Variants in ZFYVE1 observed in about 807,000 individuals in gnomAD.
The protein encoded by ZFYVE1 is zinc finger FYVE-type containing 1.
Under a neutral mutation model 74.4 loss-of-function variants are expected in ZFYVE1, and 30 were observed. The observed-to-expected ratio is 0.40, with a 90% CI of 0.30 to 0.55. The LOEUF (loss-of-function observed/expected upper bound fraction) is 0.55, where lower values mean the gene tolerates loss of function less well. ZFYVE1 is among the 20% of genes least tolerant of loss of function. The pLI is 0.42. For missense variants in ZFYVE1, 703 were observed against 1,011.6 expected (o/e 0.69, Z 4.14); for synonymous variants, 335 against 385.1 (o/e 0.87, Z 1.52).
At chr14:72,992,615 G>GCCCCCCCCCC (rs555003383) in intron 4 of ZFYVE1, among the ~76,000 whole-genome samples, 6 of 109,030 alleles carry the variant, frequency 5.5e-5, no homozygotes, top group Admixed American at 9.1e-5. Flanking sequence ...CCATTCAGGT[G>GCCCCCCCCCC]CCCCCCCCGC....
chr14:73,001,705 C>T (rs1323007817), intron 2 of ZFYVE1, among the ~76,000 whole-genome samples: 2 of 142,438 alleles, frequency 1.4e-5, no homozygotes, highest in East Asian at 2.0e-4. Context: ...TTCGGCTGGG[C>T]GCAGTGGCTC....
intron 2 of ZFYVE1, among the ~76,000 whole-genome samples, chr14:73,008,263 G>A (rs1894021390): frequency 6.6e-6 from 1 of 152,198 alleles, no homozygotes; most frequent in Non-Finnish European, 1.5e-5. Context: ...GGGTGCAAGT[G>A]ATTCTCCTGC....
At chr14:73,015,298 A>AGGG (rs1567362954) in intron 2 of ZFYVE1, among the ~76,000 whole-genome samples, 6 of 71,910 alleles carry the variant, frequency 8.3e-5, no homozygotes, top group South Asian at 1.5e-3. Context: ...GGAAGGAAAG[A>AGGG]AGGGAGGGAG....
At chr14:72,983,097 G>A (rs1019699977) in intron 4 of ZFYVE1, among the ~76,000 whole-genome samples, 1 of 151,952 alleles carries the variant, frequency 6.6e-6, no homozygotes, top group Non-Finnish European at 1.5e-5. Context: ...CACCCGCCTC[G>A]GCCTCACAAA....
At chr14:73,012,075 C>G (rs1209928345) in intron 2 of ZFYVE1, among the ~76,000 whole-genome samples, 1 of 151,394 alleles carries the variant, frequency 6.6e-6, no homozygotes, top group Non-Finnish European at 1.5e-5. Context: ...AATAGCTGGA[C>G]ACTGTGGTTC....
In ZFYVE1 at chr14:73,013,220, ACTT is replaced by A. The variant is rs1378949878; in HGVS notation, c.483+10803_483+10805del. ...TCAGCTACTTATGTATGGCTGGAAA[ACTT>A]CTCTGCCCCAAGAACTCCAGCTATG... On this transcript the variant is annotated intron_variant, in intron 2 of 11. Transcript: ENST00000556143. Among the ~76,000 whole-genome samples, 3 of 152,166 alleles carry A rather than the reference ACTT, an allele frequency of 2.0e-5. No homozygotes were observed. The South Asian group carries it at 6.2e-4, about 31-fold the overall frequency.
At chr14:73,005,924 T>C (rs1893967888) in intron 2 of ZFYVE1, among the ~76,000 whole-genome samples, 1 of 143,034 alleles carries the variant, frequency 7.0e-6, no homozygotes, top group Non-Finnish European at 1.5e-5. Flanking sequence ...TCAAAACACA[T>C]TTTTTTTTTT....
At chr14:73,020,394 C>T (rs563633630) in intron 2 of ZFYVE1, among the ~76,000 whole-genome samples, 2 of 152,144 alleles carry the variant, frequency 1.3e-5, no homozygotes, top group South Asian at 4.1e-4. Flanking sequence ...GCACTGTCAC[C>T]CAGGCTGGAG....
Position 73,015,882 on chromosome 14 carries a change from G to A in ZFYVE1, c.483+8144C>T, listed in dbSNP as rs573300788. ...GTGGAGATTGCAGTGAGCTGAGATC[G>A]CGCCACTGCCCTCCAGCCTGGCAAC... On this transcript the variant is annotated intron_variant, in intron 2 of 11. Transcript: ENST00000556143. 4.3e-4 allele frequency among the ~76,000 whole-genome samples: 66 copies of A among 151,956 alleles called. 1 individual carries two copies. Among genetic ancestry groups the A allele is most frequent in the Middle Eastern group, 6.8e-3 (2 of 294 alleles).
rs181299224 is a variant in ZFYVE1 at position 72,977,357 on chromosome 14, G to A, written c.1635+570C>T. Among the ~76,000 whole-genome samples, 52 of 152,140 alleles carry A rather than the reference G, an allele frequency of 3.4e-4. No individual in the cohort carries two copies. The East Asian group carries it at 9.7e-3, about 28-fold the overall frequency. On this transcript the variant is annotated intron_variant, in intron 8 of 11. Coordinates refer to ENST00000556143, the MANE Select transcript of ZFYVE1 (RefSeq NM_021260.4). ...GGAGGTGGAGATTGCAGTGAGCCAA[G>A]AGAGCCAAGATCTCACCATTGCACT...
intron 2 of ZFYVE1, among the ~76,000 whole-genome samples, chr14:73,015,007 G>T (rs1297095968): frequency 6.6e-6 from 1 of 151,990 alleles, no homozygotes; most frequent in East Asian, 1.9e-4. Flanking sequence ...GGCTGAGGCA[G>T]ATCACTTGAG....
intron 4 of ZFYVE1, among the ~76,000 whole-genome samples, chr14:72,991,315 A>G (rs555344638): frequency 2.6e-4 from 39 of 149,830 alleles, no homozygotes; most frequent in African/African-American, 7.4e-4. Flanking sequence ...TCAGCCTCCC[A>G]AGTAGCTGGG....
intron 2 of ZFYVE1, among the ~76,000 whole-genome samples, chr14:73,009,691 G>C (rs951549341): frequency 2.0e-5 from 3 of 152,238 alleles, no homozygotes; most frequent in Non-Finnish European, 2.9e-5. Context: ...AGGAAGCAGA[G>C]GTTGCAGTGA....
chr14:73,003,483 G>A (rs944198370), intron 2 of ZFYVE1, among the ~76,000 whole-genome samples: 3 of 152,150 alleles, frequency 2.0e-5, no homozygotes, highest in East Asian at 1.9e-4. Context: ...AGGCCAAGAC[G>A]GGAGGATCGC....
In ZFYVE1 at chr14:72,970,290, A is replaced by T. The variant is rs1892997201; in HGVS notation, c.*592T>A. The T allele has an allele frequency of 6.1e-6, 1 of 164,338 alleles. No individual in the cohort carries two copies. The highest frequency in any genetic ancestry group is 2.4e-5 in the African/African-American group (1 of 41,552). The allele number at this position is 164,338 out of a possible 1,614,324, so 10.2% of individuals were successfully genotyped here. On this transcript the variant is annotated 3_prime_UTR_variant, in exon 12 of 12. Transcript: ENST00000556143. ...TGACTAAAACAGGCTTAAGCCAAGA[A>T]TTGGGACTCGACTCCCAGGAGACCT...
intron 11 of ZFYVE1, 71 bp downstream of exon 11, chr14:72,974,009 T>G (rs1893099318): frequency 2.9e-6 from 4 of 1,390,372 alleles, no homozygotes; most frequent in Non-Finnish European, 4.1e-6. Flanking sequence ...CTTTACAAAG[T>G]GACAGCCCAG....
chr14:72,969,720 G>A lies in ZFYVE1; in HGVS notation c.*1162C>T, dbSNP rs185093601. 16 of 702,458 alleles carry A rather than the reference G, an allele frequency of 2.3e-5. No homozygotes were observed. Among genetic ancestry groups the A allele is most frequent in the East Asian group, 1.3e-4 (5 of 37,274 alleles). The allele number at this position is 702,458 out of a possible 1,614,324, so 43.5% of individuals were successfully genotyped here. A position where few individuals can be genotyped will look rare whatever the true frequency, so the allele number is the denominator to read the frequency against. ...CATGATGATAGGATTTCAGCACAAC[G>A]GGCCCTTTCCAGTCATGACAGACAG... is the stretch of plus-strand genomic sequence containing the variant. On this transcript the variant is annotated 3_prime_UTR_variant, in exon 12 of 12. Coordinates refer to ENST00000556143, the MANE Select transcript of ZFYVE1 (RefSeq NM_021260.4).
rs146200688 is a variant in ZFYVE1 at position 72,975,458 on chromosome 14, G to A, written c.1806+93C>T. ...CACTGCACTGGCAGAAAATGTTTGC[G>A]TCTCCCTCACAGAACAAGCTTAGCA... On this transcript the variant is annotated intron_variant, in intron 9 of 11. Transcript: ENST00000556143. The surrounding 1 kb of genome is among the most constrained non-coding windows in gnomAD (Gnocchi z 4.1). 8.7e-5 allele frequency: 128 copies of A among 1,466,092 alleles called. No homozygotes were observed. The highest frequency in any genetic ancestry group is 1.1e-4 in the Non-Finnish European group (118 of 1,096,260). 90.8% of individuals were successfully genotyped at this position (1,466,092 alleles called of 1,614,324 possible).
intron 4 of ZFYVE1, among the ~76,000 whole-genome samples, chr14:72,988,455 G>A (rs1319673310): frequency 6.6e-5 from 10 of 151,716 alleles, no homozygotes; most frequent in South Asian, 2.1e-4. Flanking sequence ...GATTACAGGC[G>A]TGAGCCACTG....
Sources: gnomAD v4.1 joint callset for allele counts (sites outside exome capture counted in the v4.1 genomes callset) on GRCh38, gnomAD v4.1.1 for gene constraint, Gnocchi (gnomAD v3.1) non-coding constraint, MANE v1.5 for transcripts, NCBI Gene and HGNC (gene_info 2026-07-23, HGNC 2026-07-21) for gene names.